SGCZ: variants seen among roughly 807,000 people sequenced by gnomAD.
SGCZ encodes sarcoglycan zeta.
A neutral mutation model predicts 41.3 loss-of-function variants in SGCZ; 40 were observed. The ratio of observed to expected loss-of-function variants is 0.97; its 90% CI spans 0.75 to 1.26. SGCZ has a LOEUF of 1.26. Ranked by LOEUF, SGCZ falls within the 50% of genes most tolerant of loss-of-function variation. SGCZ has a pLI of 0.00. For missense variants in SGCZ, 552 were observed against 369.8 expected (o/e 1.49, Z -4.04); for synonymous variants, 206 against 137.5 (o/e 1.50, Z -3.49).
chr8:14,184,106 A>T (rs1804822966), intron 4 of SGCZ, among the ~76,000 whole-genome samples: 1 of 152,164 alleles, frequency 6.6e-6, no homozygotes, highest in Non-Finnish European at 1.5e-5. Context: ...TATAATGTAA[A>T]TTTATTCCAC....
chr8:14,626,053 T>C (rs1806443597), intron 1 of SGCZ, among the ~76,000 whole-genome samples: 1 of 152,216 alleles, frequency 6.6e-6, no homozygotes, highest in African/African-American at 2.4e-5. Flanking sequence ...GTGGCTTTTA[T>C]CCTAAAATGC....
At chr8:14,137,871 A>G (rs1803249839) in intron 5 of SGCZ, among the ~76,000 whole-genome samples, 4 of 152,178 alleles carry the variant, frequency 2.6e-5, no homozygotes, top group South Asian at 2.1e-4. Context: ...CCCAAGACAC[A>G]TAATTGTCAG....
intron 1 of SGCZ, among the ~76,000 whole-genome samples, chr8:15,035,387 A>G (rs1038453025): frequency 6.6e-6 from 1 of 152,126 alleles, no homozygotes; most frequent in African/African-American, 2.4e-5. Flanking sequence ...CCATGTCACT[A>G]GAGAAAACCA....
chr8:15,096,280 G>T (rs1354291404), intron 1 of SGCZ, among the ~76,000 whole-genome samples: 1 of 151,630 alleles, frequency 6.6e-6, no homozygotes, highest in Non-Finnish European at 1.5e-5. Flanking sequence ...TAGAGATGGG[G>T]TTTCACCATA....
At chr8:14,952,159 T>G (rs965932357) in intron 1 of SGCZ, among the ~76,000 whole-genome samples, 26 of 152,156 alleles carry the variant, frequency 1.7e-4, no homozygotes, top group Non-Finnish European at 3.5e-4. Flanking sequence ...AAAATATATT[T>G]TTTCATAAAT....
intron 2 of SGCZ, among the ~76,000 whole-genome samples, chr8:14,545,665 A>C (rs1451786797): frequency 1.3e-5 from 2 of 152,160 alleles, no homozygotes; most frequent in Non-Finnish European, 2.9e-5. Context: ...AAATGGTTTT[A>C]ATTTTCTGGA....
intron 2 of SGCZ, among the ~76,000 whole-genome samples, chr8:14,441,931 G>A (rs765909149): frequency 1.3e-5 from 2 of 152,036 alleles, no homozygotes; most frequent in Non-Finnish European, 2.9e-5. Context: ...TTTACTCTTG[G>A]CTTTTCTGAC....
At chr8:15,222,806 T>G (rs1355993603) in intron 1 of SGCZ, among the ~76,000 whole-genome samples, 2 of 152,016 alleles carry the variant, frequency 1.3e-5, no homozygotes, top group Non-Finnish European at 2.9e-5. Context: ...TGTGGGTGTG[T>G]GTGTGTGTGA....
intron 1 of SGCZ, among the ~76,000 whole-genome samples, chr8:15,134,105 TTATA>T (rs1301380426): frequency 6.6e-6 from 1 of 152,178 alleles, no homozygotes; most frequent in Non-Finnish European, 1.5e-5. Flanking sequence ...TATTTTGCCT[TTATA>T]AGGCTATTTA....
chr8:14,454,394 G>C (rs921260150), intron 2 of SGCZ, among the ~76,000 whole-genome samples: 2 of 151,958 alleles, frequency 1.3e-5, no homozygotes, highest in African/African-American at 4.8e-5. Context: ...ATTTAGTTCA[G>C]GAAAAAACCT....
At chr8:14,458,183 C>G (rs1800803714) in intron 2 of SGCZ, among the ~76,000 whole-genome samples, 1 of 152,084 alleles carries the variant, frequency 6.6e-6, no homozygotes, top group East Asian at 1.9e-4. Context: ...TAAATAAAAT[C>G]AACCACAATG....
In SGCZ at chr8:14,087,738, TG is replaced by T. The variant is rs1431911781; in HGVS notation, c.*2704del. 6.6e-6 allele frequency among the ~76,000 whole-genome samples: 1 copy of T among 151,202 alleles called. No individual in the cohort carries two copies. The highest frequency in any genetic ancestry group is 1.5e-5 in the Non-Finnish European group (1 of 67,708). On this transcript the variant is annotated 3_prime_UTR_variant, in exon 8 of 8. Coordinates refer to ENST00000382080, the MANE Select transcript of SGCZ (RefSeq NM_139167.4). ...TTAAAAAAAAAAAAATGCTTTTTTG[TG>T]TTTGAATGTGGAAAACGAGGACATT...
At chr8:14,622,118 G>T (rs1246831500) in intron 1 of SGCZ, among the ~76,000 whole-genome samples, 1 of 152,100 alleles carries the variant, frequency 6.6e-6, no homozygotes, top group Non-Finnish European at 1.5e-5. Flanking sequence ...CCAAGATTCA[G>T]CCCTCCAATG....
At chr8:14,614,798 G>A (rs1269224462) in intron 1 of SGCZ, among the ~76,000 whole-genome samples, 1 of 152,010 alleles carries the variant, frequency 6.6e-6, no homozygotes, top group Non-Finnish European at 1.5e-5. Flanking sequence ...GAAGCCCAGA[G>A]CATCTAATAA....
intron 5 of SGCZ, among the ~76,000 whole-genome samples, chr8:14,154,197 T>C (rs1035292282): frequency 1.1e-4 from 17 of 151,704 alleles, no homozygotes; most frequent in Non-Finnish European, 1.9e-4. Context: ...GCTGAAACCC[T>C]GTCTGCACTA....
intron 2 of SGCZ, among the ~76,000 whole-genome samples, chr8:14,523,700 A>C (rs1802856880): frequency 4.6e-5 from 7 of 152,056 alleles, no homozygotes. Context: ...TGAATATGTA[A>C]GTATATGTTT....
At chr8:14,673,456 C>G (rs1563193946) in intron 1 of SGCZ, among the ~76,000 whole-genome samples, 1 of 152,066 alleles carries the variant, frequency 6.6e-6, no homozygotes, top group Non-Finnish European at 1.5e-5. Context: ...GTCTCTCTCT[C>G]TCTCTCTCAC....
intron 1 of SGCZ, among the ~76,000 whole-genome samples, chr8:14,878,133 T>G (rs1432797492): frequency 6.6e-6 from 1 of 151,958 alleles, no homozygotes; most frequent in Non-Finnish European, 1.5e-5. Flanking sequence ...TTTAAGCACT[T>G]AAGAAGTAGA....
At chr8:14,148,301 T>C (rs1469349923) in intron 5 of SGCZ, among the ~76,000 whole-genome samples, 2 of 151,758 alleles carry the variant, frequency 1.3e-5, no homozygotes, top group East Asian at 1.9e-4. Flanking sequence ...GACAAACCTT[T>C]AGCCAAACTA....
Sources: gnomAD v4.1 joint callset for allele counts (sites outside exome capture counted in the v4.1 genomes callset) on GRCh38, gnomAD v4.1.1 for gene constraint, MANE v1.5 for transcripts, NCBI Gene and HGNC (gene_info 2026-07-23, HGNC 2026-07-21) for gene names.